The following DPP6 variants were observed in gnomAD, a reference collection of about 807,000 sequenced individuals.
The protein encoded by DPP6 is dipeptidyl peptidase like 6.
A neutral mutation model predicts 122.6 loss-of-function variants in DPP6; 69 were observed. That is an observed-to-expected ratio of 0.56 (90% CI 0.46 to 0.69). DPP6 has a LOEUF of 0.69. Among genes scored for constraint, DPP6 ranks in the 30% least tolerant of loss-of-function variants. The pLI, the probability that DPP6 is intolerant of heterozygous loss-of-function variation, is 0.00. For synonymous variants in DPP6, 418 were observed against 433.1 expected (o/e 0.97, Z 0.43); for missense variants, 928 against 1,116.9 (o/e 0.83, Z 2.41).
chr7:154,866,742 C>T (rs1157978354), intron 17 of DPP6, among the ~76,000 whole-genome samples: 2 of 152,184 alleles, frequency 1.3e-5, no homozygotes, highest in African/African-American at 2.4e-5. Flanking sequence ...TATCAAAGCT[C>T]AATATTCAAA....
intron 1 of DPP6, among the ~76,000 whole-genome samples, chr7:153,978,306 G>A (rs1193377510): frequency 6.6e-6 from 1 of 152,214 alleles, no homozygotes; most frequent in Non-Finnish European, 1.5e-5. Flanking sequence ...AATGACCAGT[G>A]ATGGTGAGAT....
intron 7 of DPP6, among the ~76,000 whole-genome samples, chr7:154,680,060 T>G (rs1047571662): frequency 9.2e-5 from 14 of 152,004 alleles, no homozygotes; most frequent in African/African-American, 2.7e-4. Flanking sequence ...GTGAGGAGAA[T>G]TAGGAAATAA....
intron 1 of DPP6, among the ~76,000 whole-genome samples, chr7:154,184,952 A>C (rs190295287): frequency 6.6e-6 from 1 of 152,332 alleles, no homozygotes; most frequent in Admixed American, 6.5e-5. Flanking sequence ...CTCATGCATC[A>C]ACCAGCATAG....
chr7:153,974,433 G>A (rs1184267687), intron 1 of DPP6, among the ~76,000 whole-genome samples: 1 of 152,118 alleles, frequency 6.6e-6, no homozygotes, highest in Non-Finnish European at 1.5e-5. Context: ...AAAAAAGAAG[G>A]GTTTGGGTTA....
chr7:154,399,607 T>C (rs1815393130), intron 1 of DPP6, among the ~76,000 whole-genome samples: 1 of 152,168 alleles, frequency 6.6e-6, no homozygotes, highest in South Asian at 2.1e-4. Flanking sequence ...TTTTGAGCAG[T>C]TATATTGAGA....
chr7:153,964,619 T>C (rs866200823), intron 1 of DPP6, among the ~76,000 whole-genome samples: 21 of 152,088 alleles, frequency 1.4e-4, no homozygotes, highest in African/African-American at 4.8e-4. Context: ...TCCTCACATA[T>C]ATTCCAGGAA....
At chr7:153,800,664 G>C in the DPP6 span, among the ~76,000 whole-genome samples, 2 of 151,990 alleles carry the variant, frequency 1.3e-5, no homozygotes, top group African/African-American at 2.4e-5. Flanking sequence ...CTACAGGCAT[G>C]CACCACCGTG....
chr7:153,915,698 T>A (rs1294471385), intron 1 of DPP6, among the ~76,000 whole-genome samples: 1 of 152,056 alleles, frequency 6.6e-6, no homozygotes, highest in Non-Finnish European at 1.5e-5. Context: ...GCACCAGGGG[T>A]ACAGAAAGTC....
At chr7:154,214,517 C>T (rs11505644) in intron 1 of DPP6, among the ~76,000 whole-genome samples, 1 of 152,162 alleles carries the variant, frequency 6.6e-6, no homozygotes, top group Non-Finnish European at 1.5e-5. Flanking sequence ...GTTCAAAGAG[C>T]ACCACCTCCA....
intron 6 of DPP6, among the ~76,000 whole-genome samples, chr7:154,640,698 G>A (rs1282468821): frequency 1.3e-5 from 2 of 152,116 alleles, no homozygotes; most frequent in Non-Finnish European, 1.5e-5. Context: ...AACACAGCCC[G>A]GAGCTCTAAG....
chr7:154,629,590 C>A (rs1586767432), intron 5 of DPP6, among the ~76,000 whole-genome samples: 1 of 150,916 alleles, frequency 6.6e-6, no homozygotes, highest in South Asian at 2.1e-4. Context: ...TGACTCTGGG[C>A]TCATCTACAC....
upstream of DPP6, among the ~76,000 whole-genome samples, chr7:154,052,223 C>A (rs1168353752): frequency 5.3e-5 from 8 of 151,982 alleles, no homozygotes; most frequent in Non-Finnish European, 1.0e-4. The surrounding 1 kb of genome is among the most constrained non-coding windows in gnomAD (Gnocchi z 4.8). Flanking sequence ...CCACCCTCTT[C>A]ACGCACCCTC....
intron 1 of DPP6, among the ~76,000 whole-genome samples, chr7:154,203,743 C>T (rs1799290670): frequency 6.6e-6 from 1 of 152,138 alleles, no homozygotes; most frequent in South Asian, 2.1e-4. Context: ...TCTGTGAGGC[C>T]GTAGTGCAGT....
intron 18 of DPP6, 56 bp from the exon 19 acceptor site, chr7:154,872,568 G>C: frequency 6.4e-7 from 1 of 1,552,920 alleles, no homozygotes; most frequent in Non-Finnish European, 8.7e-7. Context: ...GGGCATGCCC[G>C]ATACCCCGTG....
chr7:154,582,049 C>T (rs1402861342), intron 5 of DPP6, among the ~76,000 whole-genome samples: 1 of 152,198 alleles, frequency 6.6e-6, no homozygotes, highest in Non-Finnish European at 1.5e-5. Context: ...GCTGCCCTCT[C>T]GGTGCCCTGC....
intron 1 of DPP6, among the ~76,000 whole-genome samples, chr7:154,398,501 C>T (rs1045828617): frequency 2.0e-5 from 3 of 152,100 alleles, no homozygotes; most frequent in Admixed American, 1.3e-4. Flanking sequence ...TATTTGGGCA[C>T]CAATGTGATC....
intron 1 of DPP6, among the ~76,000 whole-genome samples, chr7:154,004,910 A>T (rs904283830): frequency 6.6e-6 from 1 of 152,216 alleles, no homozygotes; most frequent in Non-Finnish European, 1.5e-5. Context: ...TGCTGTCTGT[A>T]CATTTGTCGC....
chr7:154,076,996 A>G lies in DPP6; in HGVS notation c.243+23933A>G, dbSNP rs527598050. 4.6e-5 allele frequency among the ~76,000 whole-genome samples: 7 copies of G among 152,358 alleles called. No homozygotes were observed. In the East Asian group the frequency reaches 1.4e-3, roughly 29 times the overall value. On this transcript the variant is annotated intron_variant, in intron 1 of 25. Coordinates refer to ENST00000377770, the MANE Select transcript of DPP6 (RefSeq NM_130797.4). ...ATAATTTCAATACTTAAAGTTTACC[A>G]TGTAGATTTCTTGTTCTGGTGCTAT...
rs1338716960 is a variant in DPP6 at position 154,804,740 on chromosome 7, G to A, written c.1500-177G>A. Among the ~76,000 whole-genome samples, 4 of 152,216 alleles carry A rather than the reference G, an allele frequency of 2.6e-5. No individual in the cohort carries two copies. In the East Asian group the frequency reaches 7.7e-4, roughly 29 times the overall value. On this transcript the variant is annotated intron_variant, in intron 14 of 25. Coordinates refer to ENST00000377770, the MANE Select transcript of DPP6 (RefSeq NM_130797.4). Reference sequence around the variant, plus strand: ...TGCACTGGTGTCCCTCAGCCCTTAGGTGTCTGGCCACCCCCTGCTCTGGTC... The same window carrying A: ...TGCACTGGTGTCCCTCAGCCCTTAGATGTCTGGCCACCCCCTGCTCTGGTC...
Sources: allele counts gnomAD v4.1 joint callset (sites outside exome capture counted in the v4.1 genomes callset), GRCh38; gene constraint gnomAD v4.1.1; non-coding constraint Gnocchi (gnomAD v3.1); transcripts MANE v1.5; gene names NCBI Gene and HGNC (gene_info 2026-07-23, HGNC 2026-07-21).